GTF3C5: variants seen among roughly 807,000 people sequenced by gnomAD.
GTF3C5 encodes the protein general transcription factor IIIC subunit 5.
In GTF3C5, 47 loss-of-function variants were observed where a neutral mutation model predicts 61.0. The ratio of observed to expected loss-of-function variants is 0.77; its 90% CI spans 0.61 to 0.98. GTF3C5 has a LOEUF of 0.98. Ranked by LOEUF, GTF3C5 falls within the 50% of genes least tolerant of loss-of-function variation. The probability of loss-of-function intolerance (pLI) is 0.00; values close to 1 mark genes in which losing one functional copy is unlikely to be tolerated. For synonymous variants in GTF3C5, 295 were observed against 275.4 expected, an observed-to-expected ratio of 1.07 and a Z score of -0.71; for missense variants, 659 against 703.3, an observed-to-expected ratio of 0.94 and a Z score of 0.71.
At chr9:133,055,965 C>G in intron 8 of GTF3C5, 47 bp from the exon 9 acceptor site, 1 of 1,613,074 alleles carries the variant, frequency 6.2e-7, no homozygotes, top group South Asian at 1.1e-5. Context: ...CTGGCAGCCC[C>G]AGGGCTCTGG....
chr9:133,058,262 A>G lies in GTF3C5; in HGVS notation c.*282A>G, dbSNP rs1038787695. 7.8e-6 allele frequency: 6 copies of G among 773,066 alleles called. No individual in the cohort carries two copies. The Admixed American group carries it at 2.6e-4, about 33-fold the overall frequency. 47.9% of individuals were successfully genotyped at this position (773,066 alleles called of 1,614,324 possible). ...GCATCCAGCCAGTGAGTGGGCACCCAATGCCTCTCAGGATGAGACCAGTAA... is the reference window on the plus strand; with the variant it reads ...GCATCCAGCCAGTGAGTGGGCACCCGATGCCTCTCAGGATGAGACCAGTAA... On this transcript the variant is annotated 3_prime_UTR_variant, in exon 11 of 11. Coordinates refer to ENST00000372097, the MANE Select transcript of GTF3C5 (RefSeq NM_012087.4).
At chr9:133,044,612 C>G (rs1365266711) in intron 3 of GTF3C5, among the ~76,000 whole-genome samples, 3 of 152,148 alleles carry the variant, frequency 2.0e-5, no homozygotes, top group Non-Finnish European at 2.9e-5. Flanking sequence ...AAGCCTTGGT[C>G]CTACTTCACC....
chr9:133,045,870 C>T (rs923613734), intron 3 of GTF3C5, among the ~76,000 whole-genome samples: 1 of 152,154 alleles, frequency 6.6e-6, no homozygotes, highest in Non-Finnish European at 1.5e-5. Flanking sequence ...CTCCTGGCCT[C>T]CAGTGATCCG....
intron 8 of GTF3C5, 166 bp downstream of exon 8, chr9:133,054,975 G>A (rs1010595612): frequency 3.9e-6 from 6 of 1,551,554 alleles, no homozygotes; most frequent in Admixed American, 2.0e-5. Context: ...GTGAGAACTC[G>A]GGTGCAAAGC....
At chr9:133,034,747 A>C (rs758457505) in intron 1 of GTF3C5, among the ~76,000 whole-genome samples, 18 of 152,164 alleles carry the variant, frequency 1.2e-4, no homozygotes, top group Non-Finnish European at 2.4e-4. Context: ...TGGAAACTCT[A>C]GAGCTGGCGT....
rs1426768799 is a variant in GTF3C5, at chr9:133,056,775, G to A, written c.1260G>A (p.Lys420=). The A allele has an allele frequency of 3.1e-6, 5 of 1,603,768 alleles. No homozygotes were observed. Among genetic ancestry groups the A allele is most frequent in the Non-Finnish European group, 4.3e-6 (5 of 1,174,744 alleles). ...LCDLNVEELQ[K]IIHRNDGAEN... The stretch of plus-strand genomic sequence containing the variant: ...CTCTCCCCACCCCCAGGTTGCAGAA[G>A]ATCATTCACCGCAATGACGGGGCAG... Residue 420 remains lysine (K), a synonymous_variant, in exon 10 of 11, where the codon AAG becomes AAA. Coordinates refer to ENST00000372097, the MANE Select transcript of GTF3C5 (RefSeq NM_012087.4).
At chr9:133,039,344 T>TA (rs1404053130) in intron 1 of GTF3C5, among the ~76,000 whole-genome samples, 2 of 152,260 alleles carry the variant, frequency 1.3e-5, no homozygotes, top group Non-Finnish European at 2.9e-5. Context: ...CTCTTGACCC[T>TA]AAGACTGTCA....
chr9:133,050,447 C>T (rs1850335483), intron 3 of GTF3C5, among the ~76,000 whole-genome samples: 1 of 152,236 alleles, frequency 6.6e-6, no homozygotes, highest in Admixed American at 6.5e-5. Context: ...CAGTGCTGTG[C>T]CTGACTCAGT....
chr9:133,041,969 A>G (rs550074763), intron 1 of GTF3C5, 118 bp from the exon 2 acceptor site: 4 of 679,744 alleles, frequency 5.9e-6, no homozygotes, highest in African/African-American at 3.6e-5. Flanking sequence ...CCAGAATGAA[A>G]CATGAGCCTC....
At chr9:133,038,141 C>T (rs957473617) in intron 1 of GTF3C5, among the ~76,000 whole-genome samples, 1 of 151,918 alleles carries the variant, frequency 6.6e-6, no homozygotes, top group Non-Finnish European at 1.5e-5. Flanking sequence ...GGCAAGGAGG[C>T]GCAAAGAACA....
At chr9:133,035,929 C>T (rs1231957756) in intron 1 of GTF3C5, among the ~76,000 whole-genome samples, 1 of 152,120 alleles carries the variant, frequency 6.6e-6, no homozygotes, top group Non-Finnish European at 1.5e-5. Flanking sequence ...TGAGCTAGCC[C>T]GAAGGCGTAC....
At chr9:133,031,286 G>A (rs983165474) in intron 1 of GTF3C5, 122 bp downstream of exon 1, 4 of 768,874 alleles carry the variant, frequency 5.2e-6, no homozygotes, top group Non-Finnish European at 8.3e-6. Flanking sequence ...GGTGCTGCTC[G>A]CTCTTCTGGC....
chr9:133,055,828 T>G (rs1023768165), intron 8 of GTF3C5, 184 bp from the exon 9 acceptor site: 3 of 1,408,584 alleles, frequency 2.1e-6, no homozygotes, highest in Middle Eastern at 2.7e-4. Context: ...CAGAGCCTCC[T>G]GGGGAGTTGG....
intron 1 of GTF3C5, among the ~76,000 whole-genome samples, chr9:133,033,257 G>A (rs765630227): frequency 6.6e-6 from 1 of 152,080 alleles, no homozygotes; most frequent in African/African-American, 2.4e-5. Flanking sequence ...AAGGAACCAC[G>A]GGGGGCATCT....
At chr9:133,056,622 G>A (rs143091896) in intron 9 of GTF3C5, 144 bp from the exon 10 acceptor site, 4 of 707,334 alleles carry the variant, frequency 5.7e-6, no homozygotes, top group African/African-American at 3.7e-5. Context: ...CACAGCTTGT[G>A]TTTCCAGTTC....
rs1025575963 is a variant in GTF3C5, at chr9:133,050,840, C to T, written c.630C>T (p.Ala210=). The change falls in exon 4 of 11, where the codon GCC becomes GCT. Residue 210 remains alanine, a synonymous_variant. Transcript: ENST00000372097. The part of the protein sequence containing the change: ...SGENLIGLSR[A]RRPHNAIFVN... ...AGAATCTGATTGGCCTGAGCAGAGC[C>T]CGGCGCCCCCACAATGCCATCTTTG... The T allele has an allele frequency of 6.2e-7, 1 of 1,613,950 alleles. No individual in the cohort carries two copies. The highest frequency in any genetic ancestry group is 1.1e-5 in the South Asian group (1 of 91,080).
chr9:133,055,220 C>T lies in GTF3C5; in HGVS notation c.1167+411C>T, dbSNP rs558161531. The T allele has an allele frequency of 1.8e-4, 265 of 1,512,512 alleles. 2 individuals carry two copies. In the African/African-American group the frequency reaches 2.9e-3, roughly 16 times the overall value. 93.7% of individuals were successfully genotyped at this position (1,512,512 alleles called of 1,614,324 possible). A position where few individuals can be genotyped will look rare whatever the true frequency, so the allele number is the denominator to read the frequency against. ...CAGGAGCCTCACTGGCTCACGTTTC[C>T]GTCAGTGCGGTTGCCCAGCGGGGGT... On this transcript the variant is annotated intron_variant, in intron 8 of 10. Coordinates refer to ENST00000372097, the MANE Select transcript of GTF3C5 (RefSeq NM_012087.4).
intron 2 of GTF3C5, among the ~76,000 whole-genome samples, chr9:133,042,740 C>T (rs1850074488): frequency 6.6e-6 from 1 of 152,162 alleles, no homozygotes; most frequent in Non-Finnish European, 1.5e-5. Flanking sequence ...CTCGTGGAGC[C>T]CTCAATCAGG....
chr9:133,052,838 T>A (rs1028870139), intron 5 of GTF3C5, among the ~76,000 whole-genome samples: 4 of 151,938 alleles, frequency 2.6e-5, no homozygotes, highest in Non-Finnish European at 5.9e-5. Context: ...ATTTTATTTA[T>A]TTTATTTATT....
Sources: gnomAD v4.1 joint callset for allele counts (sites outside exome capture counted in the v4.1 genomes callset) on GRCh38, gnomAD v4.1.1 for gene constraint, MANE v1.5 for transcripts, NCBI Gene and HGNC (gene_info 2026-07-23, HGNC 2026-07-21) for gene names.